Variants in CDK11A observed in about 807,000 individuals in gnomAD.
The protein encoded by CDK11A is cyclin dependent kinase 11A.
In CDK11A, 55 loss-of-function variants were observed where a neutral mutation model predicts 83.6. The observed-to-expected ratio is 0.66, with a 90% CI of 0.53 to 0.82. CDK11A has a LOEUF of 0.82. CDK11A is among the 40% of genes least tolerant of loss of function. The probability of loss-of-function intolerance (pLI) is 0.00; values close to 1 mark genes in which losing one functional copy is unlikely to be tolerated. For synonymous variants in CDK11A, 247 were observed against 302.7 expected (o/e 0.82, Z 1.91); for missense variants, 564 against 810.1 (o/e 0.70, Z 3.69).
At chr1:1,716,263 T>C in intron 5 of CDK11A, 83 bp downstream of exon 5, 1 of 1,485,822 alleles carries the variant, frequency 6.7e-7, no homozygotes, top group Non-Finnish European at 9.3e-7. Context: ...GTGACTTCTA[T>C]TGCCAAATTC....
rs9439487 is a variant in CDK11A, at chr1:1,702,383, T to C, written c.*524A>G. Among the ~76,000 whole-genome samples the C allele has an allele frequency of 0.33, 17,337 of 52,018 alleles. 1,275 individuals are homozygous for C. Among genetic ancestry groups the C allele is most frequent in the Non-Finnish European group, 0.38 (8,565 of 22,348 alleles). The allele number at this position is 52,018 out of a possible 152,430, so 34.1% of individuals were successfully genotyped here. ...TCACTCAAAGGACGACACGGGGAGC[T>C]TTCCTCGAAGAATATTTTAATACAT... is the stretch of plus-strand genomic sequence containing the variant. On this transcript the variant is annotated 3_prime_UTR_variant, in exon 20 of 20. Coordinates refer to ENST00000404249, the MANE Select transcript of CDK11A (RefSeq NM_024011.4).
chr1:1,704,244 C>A lies in CDK11A; in HGVS notation c.1665G>T (p.Leu555=). 1 of 1,608,542 alleles carries A rather than the reference C, an allele frequency of 6.2e-7. No homozygotes were observed. Among genetic ancestry groups the A allele is most frequent in the Non-Finnish European group, 8.5e-7 (1 of 1,176,780 alleles). Residue 555 remains leucine, a synonymous_variant, in exon 15 of 20, where the codon CTG becomes CTT. Transcript: ENST00000404249. The part of the protein sequence containing the change: ...HRDLKTSNLL[L]SHAGILKVGD... ...TCACCTTGAGGATGCCGGCGTGGCTCAGCAGCAGGTTGGACGTCTTGAGGT... is the reference window on the plus strand; with the variant it reads ...TCACCTTGAGGATGCCGGCGTGGCTAAGCAGCAGGTTGGACGTCTTGAGGT...
Position 1,703,220 on chromosome 1 carries a change from T to C in CDK11A, c.2110A>G (p.Lys704Glu). The C allele has an allele frequency of 2.3e-6, 1 of 444,266 alleles. No homozygotes were observed. Among genetic ancestry groups the C allele is most frequent in the Non-Finnish European group, 3.7e-6 (1 of 269,948 alleles). The allele number at this position is 444,266 out of a possible 1,614,324, so 27.5% of individuals were successfully genotyped here. The change falls in exon 19 of 20, where the codon AAG becomes GAG. Residue 704 changes from lysine to glutamate, a missense_variant. This residue lies in a region of CDK11A where 361 missense variants were observed against 402.7 expected (regional missense o/e 0.90). Coordinates refer to ENST00000404249, the MANE Select transcript of CDK11A (RefSeq NM_024011.4). ...GRRISAEDGL[K>E]HEYFRETPLP... ...GGGGTCTCGCGGAAATACTCATGCT[T>C]GAGGCCGTCCTCAGCGCTGATCCTC...
At position 1,707,478 on chromosome 1, in the gene CDK11A, C is replaced by T. The variant is rs768814034; in HGVS notation, c.1176G>A (p.Val392=). The change falls in exon 11 of 20, where the codon GTG becomes GTA. Residue 392 remains valine (V), a synonymous_variant. Transcript: ENST00000404249. ...TGGGCAACAGGGCAGGGGAGTCGGG[C>T]ACATAGTCGCCCTCTGTCAGGGCGC... is the stretch of plus-strand genomic sequence containing the variant. ...QSSALTEGDY[V]PDSPALLPIE... is the part of the protein sequence containing the mutation. The T allele has an allele frequency of 1.2e-6, 2 of 1,606,958 alleles. No individual in the cohort carries two copies. The highest frequency in any genetic ancestry group is 2.7e-5 in the African/African-American group (2 of 73,884).
intron 4 of CDK11A, among the ~76,000 whole-genome samples, chr1:1,716,806 C>G (rs564708815): frequency 7.8e-5 from 6 of 76,544 alleles, no homozygotes; most frequent in Admixed American, 2.2e-4. Flanking sequence ...AAAAGTGAGA[C>G]TCCATCTCAA....
chr1:1,717,118 G>A (rs145628170), intron 4 of CDK11A, among the ~76,000 whole-genome samples: 11 of 149,888 alleles, frequency 7.3e-5, no homozygotes, highest in African/African-American at 2.2e-4. Context: ...TGCAGTAAGC[G>A]TCTAATTATG....
Position 1,719,372 on chromosome 1 carries a change from T to C in CDK11A, c.311A>G (p.Lys104Arg), listed in dbSNP as rs745820114. 4 of 1,534,884 alleles carry C rather than the reference T, an allele frequency of 2.6e-6. No individual in the cohort carries two copies. The highest frequency in any genetic ancestry group is 3.5e-6 in the Non-Finnish European group (4 of 1,143,878). The change falls in exon 4 of 20, where the codon AAG becomes AGG. Residue 104 changes from lysine (K) to arginine (R), a missense_variant. Physicochemically the swap from Lys to Arg is conservative, Grantham distance 26. Transcript: ENST00000404249. ...ATGATGCCTACATTTTTCTTTTCTC[T>C]TTTCATCTTTTCTGTGATGAACTTT... ...KEKVHHRKDE[K>R]RKEKCRHHSH...
At chr1:1,719,615 C>CT (rs750830146) in intron 3 of CDK11A, among the ~76,000 whole-genome samples, 160 bp from the exon 4 acceptor site, 608 of 46,024 alleles carry the variant, frequency 0.013, 19 homozygotes, top group East Asian at 0.07. Flanking sequence ...CTTCAGGCAT[C>CT]TTTTTTTTTT....
chr1:1,704,758 C>T lies in CDK11A; in HGVS notation c.1459-103G>A, dbSNP rs753305810. On this transcript the variant is annotated intron_variant, in intron 13 of 19. Transcript: ENST00000404249. The stretch of plus-strand genomic sequence containing the variant: ...GACAGTAAGGACCTCCGGTGCCACC[C>T]GGGAGGCAAATACTTGCTTCTGTGT... The T allele has an allele frequency of 4.2e-5, 67 of 1,598,910 alleles. 3 individuals are homozygous for T. The highest frequency in any genetic ancestry group is 5.4e-5 in the African/African-American group (4 of 74,282).
In CDK11A at chr1:1,704,306, C is replaced by A; in HGVS notation, c.1603G>T (p.Val535Leu). 2 of 1,607,452 alleles carry A rather than the reference C, an allele frequency of 1.2e-6. No homozygotes were observed. Among genetic ancestry groups the A allele is most frequent in the Non-Finnish European group, 1.7e-6 (2 of 1,176,036 alleles). Reference protein sequence around the residue: ...KTLMIQLLRGVKHLHDNWILH... With the variant: ...KTLMIQLLRGLKHLHDNWILH... Reference sequence around the variant, plus strand: ...ATCCAGTTGTCGTGCAGGTGTTTCACCCCCCGCAGCAGCTGGATCATCAGG... The same window carrying A: ...ATCCAGTTGTCGTGCAGGTGTTTCAACCCCCGCAGCAGCTGGATCATCAGG... The change falls in exon 15 of 20, where the codon GTG becomes TTG. Residue 535 changes from valine to leucine, a missense_variant. Physicochemically the swap from Val to Leu is conservative, Grantham distance 32. Around this residue, in one of 5 missense-constraint regions of CDK11A, gnomAD observed 361 missense variants for 402.7 expected, o/e 0.90. Coordinates refer to ENST00000404249, the MANE Select transcript of CDK11A (RefSeq NM_024011.4).
intron 9 of CDK11A, among the ~76,000 whole-genome samples, chr1:1,708,474 C>G (rs144779393): frequency 7.4e-6 from 1 of 135,262 alleles, no homozygotes; most frequent in East Asian, 2.1e-4. Flanking sequence ...AACCCCGTCT[C>G]GACTAAAAAT....
rs565553918 is a variant in CDK11A at position 1,721,631 on chromosome 1, G to T, written c.192C>A (p.Asn64Lys). 2.5e-6 allele frequency: 4 copies of T among 1,607,362 alleles called. No individual in the cohort carries two copies. The African/African-American group carries it at 4.0e-5, about 16-fold the overall frequency. ...TTGAGTCTTCTCTTCTATACGGGGA[G>T]TTCCTTATTGTGATCTCCATGCAGT... ...RDHCMEITIR[N>K]SPYRREDSME... The change falls in exon 3 of 20, where the codon AAC (asparagine) becomes AAA (lysine). Residue 64 changes from asparagine to lysine, a missense_variant. Around this residue, in one of 5 missense-constraint regions of CDK11A, gnomAD observed 151 missense variants for 147.4 expected, o/e 1.02. Coordinates refer to ENST00000404249, the MANE Select transcript of CDK11A (RefSeq NM_024011.4).
chr1:1,720,498 G>A (rs4648775), intron 3 of CDK11A, among the ~76,000 whole-genome samples: 121,220 of 150,312 alleles, frequency 0.81, 51,348 homozygotes, highest in Non-Finnish European at 0.93. Flanking sequence ...TCCCAGGTTC[G>A]AGCAATTCTC....
intron 10 of CDK11A, 151 bp from the exon 11 acceptor site, chr1:1,707,735 C>T (rs1644373011): frequency 1.0e-5 from 8 of 799,376 alleles, no homozygotes; most frequent in South Asian, 3.6e-5. Flanking sequence ...CACAGGGCAC[C>T]GAGGCCTAAG....
At chr1:1,707,002 G>A (rs373895635) in intron 11 of CDK11A, among the ~76,000 whole-genome samples, 2 of 142,856 alleles carry the variant, frequency 1.4e-5, no homozygotes, top group Non-Finnish European at 3.0e-5. Context: ...ACTGACTCCC[G>A]TAGCCGCTCC....
At position 1,720,758 on chromosome 1, in the gene CDK11A, C is replaced by G. The variant is rs577407404; in HGVS notation, c.227+838G>C. Among the ~76,000 whole-genome samples, 14 of 150,656 alleles carry G rather than the reference C, an allele frequency of 9.3e-5. No individual in the cohort carries two copies. In the South Asian group the frequency reaches 2.7e-3, roughly 30 times the overall value. ...CCAGGGTAGAATACAGAGGCACAAT[C>G]TTGGCTCACTGCAACCTTTGCCTCC... On this transcript the variant is annotated intron_variant, in intron 3 of 19. Coordinates refer to ENST00000404249, the MANE Select transcript of CDK11A (RefSeq NM_024011.4).
At chr1:1,721,390 T>C (rs1201513276) in intron 3 of CDK11A, among the ~76,000 whole-genome samples, 1 of 150,702 alleles carries the variant, frequency 6.6e-6, no homozygotes, top group Non-Finnish European at 1.5e-5. Flanking sequence ...ACCTCAATAG[T>C]TACAACAGCA....
At position 1,707,408 on chromosome 1, in the gene CDK11A, C is replaced by T. The variant is rs1308106460; in HGVS notation, c.1245+1G>A. 6.2e-7 allele frequency: 1 copy of T among 1,607,624 alleles called. No individual in the cohort carries two copies. Among genetic ancestry groups the T allele is most frequent in the East Asian group, 2.2e-5 (1 of 44,756 alleles). On this transcript the variant is annotated splice_donor_variant, in intron 11 of 19. Coordinates refer to ENST00000404249, the MANE Select transcript of CDK11A (RefSeq NM_024011.4). LOFTEE classifies it high-confidence loss of function. ...GGCCCGGGGCGAGGGGAGGGCCTGA[C>T]CTGCAGGGCCGGCAGGTACTTGGGC...
Position 1,721,412 on chromosome 1 carries a change from G to A in CDK11A, c.227+184C>T, listed in dbSNP as rs1032623531. Among the ~76,000 whole-genome samples, 18 of 150,688 alleles carry A rather than the reference G, an allele frequency of 1.2e-4. 1 individual carries two copies. The highest frequency in any genetic ancestry group is 2.2e-4 in the Non-Finnish European group (15 of 67,570). ...TAGTTACAACAGCACACCCTGTCACGGTAACCTTAGGAAAGAGTAATCTCA... is the reference window on the plus strand; with the variant it reads ...TAGTTACAACAGCACACCCTGTCACAGTAACCTTAGGAAAGAGTAATCTCA... On this transcript the variant is annotated intron_variant, in intron 3 of 19. Transcript: ENST00000404249.
Sources: allele counts gnomAD v4.1 joint callset (sites outside exome capture counted in the v4.1 genomes callset), GRCh38; gene constraint gnomAD v4.1.1; regional missense constraint gnomAD v4.1.1; transcripts MANE v1.5; gene names NCBI Gene and HGNC (gene_info 2026-07-23, HGNC 2026-07-21).